Variants in CUX2 observed in about 807,000 individuals in gnomAD.
CUX2 encodes the protein cut like homeobox 2, also known as homeobox protein cut-like 2.
Under a neutral mutation model 144.8 loss-of-function variants are expected in CUX2, and 40 were observed. The observed-to-expected ratio is 0.28, with a 90% CI of 0.21 to 0.36. The LOEUF (loss-of-function observed/expected upper bound fraction) is 0.36, where lower values mean the gene tolerates loss of function less well. Ranked by LOEUF, CUX2 falls within the 10% of genes least tolerant of loss-of-function variation. CUX2 has a pLI of 1.00. For missense variants in CUX2, 1,615 were observed against 1,994.0 expected, an observed-to-expected ratio of 0.81 and a Z score of 3.62; for synonymous variants, 827 against 875.6, an observed-to-expected ratio of 0.94 and a Z score of 0.98.
At chr12:111,332,256 C>T (rs1308149259) in intron 18 of CUX2, among the ~76,000 whole-genome samples, 4 of 140,310 alleles carry the variant, frequency 2.9e-5, no homozygotes, top group Non-Finnish European at 5.9e-5. Flanking sequence ...CCTCAGCCTC[C>T]CGAGTAGCTG....
intron 1 of CUX2, among the ~76,000 whole-genome samples, chr12:111,134,612 C>CTGTGTGTGTGTGTGTGTG (rs1228524853): frequency 1.8e-4 from 26 of 143,886 alleles, no homozygotes; most frequent in Middle Eastern, 3.5e-3. Flanking sequence ...CTCTCTCTCT[C>CTGTGTGTGTGTGTGTGTG]TCTCTCTCTG....
In CUX2 at chr12:111,304,428, T is replaced by C; in HGVS notation, c.858+114T>C. On this transcript the variant is annotated intron_variant, in intron 10 of 21. Coordinates refer to ENST00000261726, the MANE Select transcript of CUX2 (RefSeq NM_015267.4). The surrounding 1 kb of genome is among the most constrained non-coding windows in gnomAD (Gnocchi z 4.7). ...CTTTGTGGTTGATTGTGTGCATCCATTTGAAACTGGGAGTGTGAATGTGTG... is the reference window on the plus strand; with the variant it reads ...CTTTGTGGTTGATTGTGTGCATCCACTTGAAACTGGGAGTGTGAATGTGTG... The C allele has an allele frequency of 1.2e-6, 1 of 803,496 alleles. No homozygotes were observed. The highest frequency in any genetic ancestry group is 1.6e-5 in the South Asian group (1 of 62,886). 49.8% of individuals were successfully genotyped at this position (803,496 alleles called of 1,614,324 possible). A position where few individuals can be genotyped will look rare whatever the true frequency, so the allele number is the denominator to read the frequency against.
chr12:111,042,684 T>A (rs972752852), intron 1 of CUX2, among the ~76,000 whole-genome samples: 1 of 152,086 alleles, frequency 6.6e-6, no homozygotes, highest in South Asian at 2.1e-4. Flanking sequence ...CAGGCTGGAG[T>A]GCAACGGTGC....
At chr12:111,294,847 G>A (rs1268877896) in intron 6 of CUX2, among the ~76,000 whole-genome samples, 4 of 151,536 alleles carry the variant, frequency 2.6e-5, no homozygotes, top group African/African-American at 4.9e-5. Flanking sequence ...GCAGTGAGCC[G>A]AGTTCGGGTC....
intron 1 of CUX2, among the ~76,000 whole-genome samples, chr12:111,129,820 G>C (rs950231899): frequency 7.2e-5 from 11 of 152,298 alleles, no homozygotes; most frequent in Admixed American, 6.5e-4. Flanking sequence ...ATCCAGTGTG[G>C]GGACTGTGTC....
chr12:111,194,697 A>G (rs1214688378), intron 1 of CUX2, among the ~76,000 whole-genome samples: 1 of 152,234 alleles, frequency 6.6e-6, no homozygotes, highest in African/African-American at 2.4e-5. Flanking sequence ...CAGGAGGTCA[A>G]CTGGGAACAG....
At chr12:111,192,571 T>G (rs1036832076) in intron 1 of CUX2, among the ~76,000 whole-genome samples, 4 of 152,154 alleles carry the variant, frequency 2.6e-5, no homozygotes, top group Non-Finnish European at 4.4e-5. Flanking sequence ...CCCTGCTGGC[T>G]GCTCTCTTCC....
chr12:111,137,639 G>C (rs758789367), intron 1 of CUX2, among the ~76,000 whole-genome samples: 13 of 152,054 alleles, frequency 8.5e-5, no homozygotes, highest in Non-Finnish European at 1.9e-4. Context: ...TCAGCCTCCA[G>C]AGTAGTTGGA....
At chr12:111,125,146 T>G (rs1592918887) in intron 1 of CUX2, among the ~76,000 whole-genome samples, 3 of 152,100 alleles carry the variant, frequency 2.0e-5, no homozygotes, top group Admixed American at 2.0e-4. Flanking sequence ...GCCACCAGTT[T>G]ACATTCCCTC....
intron 3 of CUX2, among the ~76,000 whole-genome samples, chr12:111,231,176 A>G (rs924809258): frequency 6.6e-6 from 1 of 152,026 alleles, no homozygotes; most frequent in African/African-American, 2.4e-5. Flanking sequence ...CAAAACTGAA[A>G]CTTCCACCCA....
intron 21 of CUX2, among the ~76,000 whole-genome samples, chr12:111,344,392 G>A (rs558985855): frequency 6.6e-6 from 1 of 152,336 alleles, no homozygotes; most frequent in African/African-American, 2.4e-5. Context: ...GCCTGGGGAG[G>A]ACTTTACAGA....
chr12:111,212,429 C>T (rs1881285283), intron 1 of CUX2, among the ~76,000 whole-genome samples: 1 of 152,238 alleles, frequency 6.6e-6, no homozygotes, highest in African/African-American at 2.4e-5. Context: ...CTCTCTGTCA[C>T]CCAGGCTGGA....
chr12:111,197,591 A>G (rs1186679934), intron 1 of CUX2, among the ~76,000 whole-genome samples: 1 of 152,202 alleles, frequency 6.6e-6, no homozygotes, highest in Non-Finnish European at 1.5e-5. Flanking sequence ...TCCTTCAGAA[A>G]TGTGACTTGA....
intron 16 of CUX2, among the ~76,000 whole-genome samples, chr12:111,315,072 C>T (rs1005890502): frequency 7.2e-5 from 11 of 151,980 alleles, no homozygotes; most frequent in African/African-American, 2.4e-4. Context: ...ATGGGCCAGC[C>T]AGTAGTCTTA....
chr12:111,197,998 G>C (rs536961704), intron 1 of CUX2, among the ~76,000 whole-genome samples: 19 of 152,182 alleles, frequency 1.2e-4, no homozygotes, highest in African/African-American at 4.1e-4. Context: ...TCCCTTTCTT[G>C]CTGCTGTTCT....
chr12:111,132,148 C>T (rs1875527443), intron 1 of CUX2, among the ~76,000 whole-genome samples: 1 of 152,220 alleles, frequency 6.6e-6, no homozygotes, highest in Non-Finnish European at 1.5e-5. Context: ...CAATTCTTGA[C>T]TTCTCTGTGC....
intron 1 of CUX2, among the ~76,000 whole-genome samples, chr12:111,155,039 C>T (rs940908900): frequency 6.6e-6 from 1 of 152,190 alleles, no homozygotes; most frequent in African/African-American, 2.4e-5. Context: ...GGAATAAGAA[C>T]ATATCTACCT....
intron 3 of CUX2, among the ~76,000 whole-genome samples, chr12:111,252,668 TTGTTCA>T (rs886273140): frequency 5.9e-5 from 9 of 151,966 alleles, no homozygotes; most frequent in Admixed American, 5.2e-4. Flanking sequence ...TATTCATGGT[TTGTTCA>T]TTCAGTCAGT....
intron 1 of CUX2, among the ~76,000 whole-genome samples, chr12:111,105,503 G>T (rs2136074980): frequency 6.6e-6 from 1 of 152,278 alleles, no homozygotes; most frequent in African/African-American, 2.4e-5. Flanking sequence ...GTGTGTGTGT[G>T]TGTGTGCTCA....
Sources: gnomAD v4.1 joint callset for allele counts (sites outside exome capture counted in the v4.1 genomes callset) on GRCh38, gnomAD v4.1.1 for gene constraint, Gnocchi (gnomAD v3.1) non-coding constraint, MANE v1.5 for transcripts, NCBI Gene and HGNC (gene_info 2026-07-23, HGNC 2026-07-21) for gene names.